Variants in TFB1M observed in about 807,000 individuals in gnomAD.
TFB1M encodes the protein dimethyladenosine transferase 1, mitochondrial.
TFB1M carries 27 observed loss-of-function variants against 31.1 expected under a neutral mutation model. The ratio of observed to expected loss-of-function variants is 0.87; its 90% CI spans 0.64 to 1.20. The LOEUF (loss-of-function observed/expected upper bound fraction) is 1.20, where lower values mean the gene tolerates loss of function less well. Among genes scored for constraint, TFB1M ranks in the 50% most tolerant of loss-of-function variants. The pLI is 0.00. For missense variants in TFB1M, 394 were observed against 418.7 expected (o/e 0.94, Z 0.51); for synonymous variants, 166 against 151.8 (o/e 1.09, Z -0.69).
intron 5 of TFB1M, 180 bp from the exon 6 acceptor site, chr6:155,260,580 A>T (rs1446333030): frequency 6.7e-6 from 5 of 741,232 alleles, no homozygotes; most frequent in Non-Finnish European, 1.2e-5. Flanking sequence ...TGGATTCGCA[A>T]ATGACATGGA....
intron 5 of TFB1M, among the ~76,000 whole-genome samples, chr6:155,280,450 C>A (rs1270492941): frequency 6.6e-6 from 1 of 152,198 alleles, no homozygotes; most frequent in East Asian, 1.9e-4. Flanking sequence ...CACAGCTTCT[C>A]CTCCCGCCGT....
intron 5 of TFB1M, among the ~76,000 whole-genome samples, chr6:155,271,082 C>T (rs187867059): frequency 1.2e-3 from 189 of 152,092 alleles, no homozygotes; most frequent in African/African-American, 3.9e-3. Context: ...TTAAAACAAA[C>T]CAAAACAAAA....
the TFB1M span, among the ~76,000 whole-genome samples, chr6:155,234,468 A>G: frequency 7.7e-4 from 118 of 152,274 alleles, no homozygotes; most frequent in African/African-American, 2.8e-3. Flanking sequence ...GGGTTTCCCT[A>G]TGTTGTCCAG....
the TFB1M span, among the ~76,000 whole-genome samples, chr6:155,246,177 C>T: frequency 2.6e-5 from 4 of 151,916 alleles, 1 homozygote; most frequent in South Asian, 4.2e-4. Context: ...TCTGGTGCAA[C>T]TGGAAAGAGC....
intron 1 of TFB1M, 119 bp downstream of exon 1, chr6:155,314,177 C>T: frequency 6.5e-7 from 1 of 1,548,468 alleles, no homozygotes; most frequent in Non-Finnish European, 8.7e-7. Context: ...AAGGACCTGA[C>T]CAAAAGCCCG....
the TFB1M span, chr6:155,251,121 G>C: frequency 9.8e-7 from 1 of 1,016,744 alleles, no homozygotes; most frequent in Non-Finnish European, 1.5e-6. Flanking sequence ...AGCTCCAGGA[G>C]TCAGAATTGC....
At chr6:155,278,014 G>A (rs1785300814) in intron 5 of TFB1M, among the ~76,000 whole-genome samples, 1 of 152,098 alleles carries the variant, frequency 6.6e-6, no homozygotes, top group Non-Finnish European at 1.5e-5. Context: ...TTCTTCCTAA[G>A]TAGAAACACG....
intron 2 of TFB1M, among the ~76,000 whole-genome samples, chr6:155,307,146 C>T (rs428727): frequency 1.5e-3 from 216 of 147,330 alleles, no homozygotes; most frequent in African/African-American, 5.2e-3. Flanking sequence ...TACACACACA[C>T]ACACACACAC....
chr6:155,278,949 G>A (rs1785350865), intron 5 of TFB1M, among the ~76,000 whole-genome samples: 1 of 152,226 alleles, frequency 6.6e-6, no homozygotes, highest in South Asian at 2.1e-4. Flanking sequence ...AGTTTAGCCT[G>A]CAGGGGACAT....
chr6:155,280,261 G>A (rs1202128904), intron 5 of TFB1M, among the ~76,000 whole-genome samples: 1 of 152,062 alleles, frequency 6.6e-6, no homozygotes, highest in African/African-American at 2.4e-5. Flanking sequence ...CCTTCCACTG[G>A]GCCAGGGCAG....
At chr6:155,309,192 GATACAT>G (rs1777912834) in intron 2 of TFB1M, among the ~76,000 whole-genome samples, 2 of 152,132 alleles carry the variant, frequency 1.3e-5, no homozygotes, top group African/African-American at 4.8e-5. Context: ...TAATATGAGA[GATACAT>G]ATACATTTGT....
At chr6:155,281,582 C>T (rs1253126407) in intron 5 of TFB1M, among the ~76,000 whole-genome samples, 2 of 151,954 alleles carry the variant, frequency 1.3e-5, no homozygotes, top group African/African-American at 4.8e-5. Flanking sequence ...CTTAGCGGGG[C>T]ATGATGGCGG....
At chr6:155,298,740 A>C (rs1777295510) in intron 2 of TFB1M, among the ~76,000 whole-genome samples, 155 bp from the exon 3 acceptor site, 2 of 152,250 alleles carry the variant, frequency 1.3e-5, no homozygotes, top group South Asian at 4.1e-4. Flanking sequence ...CTATTGCAAC[A>C]GACAATGGTG....
At chr6:155,236,933 C>T in the TFB1M span, among the ~76,000 whole-genome samples, 2 of 152,128 alleles carry the variant, frequency 1.3e-5, no homozygotes, top group Non-Finnish European at 2.9e-5. Flanking sequence ...CTGGCCCCTC[C>T]CAAATCTCAT....
At position 155,281,520 on chromosome 6, in the gene TFB1M, G is replaced by A. The variant is rs1175648753; in HGVS notation, c.666+3638C>T. ...ATGGATCACCTGAGGCCAGGAGTTC[G>A]AGACCAGCTTGGCCAACATGGTGAA... is the stretch of plus-strand genomic sequence containing the variant. On this transcript the variant is annotated intron_variant, in intron 5 of 6. Transcript: ENST00000367166. 5.3e-5 allele frequency among the ~76,000 whole-genome samples: 8 copies of A among 152,184 alleles called. No individual in the cohort carries two copies. In the East Asian group the frequency reaches 9.7e-4, roughly 18 times the overall value.
rs777178695 is a variant in TFB1M, at chr6:155,257,972, C to CTCTT, written c.901_904dup (p.Ser302LysfsTer5). 5 of 1,614,072 alleles carry CTCTT rather than the reference C, an allele frequency of 3.1e-6. No individual in the cohort carries two copies. The highest frequency in any genetic ancestry group is 4.2e-6 in the Non-Finnish European group (5 of 1,180,050). On this transcript the variant is annotated frameshift_variant, in exon 7 of 7. Transcript: ENST00000367166. LOFTEE classifies it low-confidence loss of function (END_TRUNC). ...CATTTTTCTGTATACATCACAGAGG[C>CTCTT]TCTTAAAGTGTGAGATGGAGAGCTG...
intron 2 of TFB1M, among the ~76,000 whole-genome samples, chr6:155,303,699 C>G (rs1777535524): frequency 6.6e-6 from 1 of 152,148 alleles, no homozygotes; most frequent in African/African-American, 2.4e-5. Context: ...CTCTTTCTGC[C>G]TGGACGCTGA....
intron 2 of TFB1M, among the ~76,000 whole-genome samples, chr6:155,304,230 C>T (rs1277153829): frequency 1.3e-5 from 2 of 151,910 alleles, no homozygotes; most frequent in African/African-American, 4.8e-5. Flanking sequence ...TGCAGTGAGC[C>T]GAGATCACGC....
chr6:155,254,693 C>G (rs1783890528), downstream of TFB1M: 1 of 1,319,352 alleles, frequency 7.6e-7, no homozygotes. Context: ...GTACCTTTAT[C>G]TCCTTTTAAG....
Sources: allele counts gnomAD v4.1 joint callset (sites outside exome capture counted in the v4.1 genomes callset), GRCh38; gene constraint gnomAD v4.1.1; transcripts MANE v1.5; gene names NCBI Gene and HGNC (gene_info 2026-07-23, HGNC 2026-07-21).